The following CNTNAP2 variants were observed in gnomAD, a reference collection of about 807,000 sequenced individuals.
CNTNAP2 encodes the protein contactin associated protein 2.
A neutral mutation model predicts 155.2 loss-of-function variants in CNTNAP2; 98 were observed. The observed-to-expected ratio is 0.63, with a 90% CI of 0.54 to 0.75. The LOEUF is 0.75. CNTNAP2 is among the 30% of genes least tolerant of loss of function. CNTNAP2 has a pLI of 0.00. For synonymous variants in CNTNAP2, 651 were observed against 631.2 expected (o/e 1.03, Z -0.47); for missense variants, 1,727 against 1,688.1 (o/e 1.02, Z -0.40).
chr7:147,837,866 G>A (rs1276181937), intron 13 of CNTNAP2, among the ~76,000 whole-genome samples: 1 of 152,176 alleles, frequency 6.6e-6, no homozygotes, highest in African/African-American at 2.4e-5. Flanking sequence ...TGTCCCTGTG[G>A]CTTTGCAGGC....
intron 9 of CNTNAP2, among the ~76,000 whole-genome samples, chr7:147,317,923 C>T (rs1339174170): frequency 1.3e-5 from 2 of 151,546 alleles, no homozygotes; most frequent in Admixed American, 1.3e-4. Context: ...TCTCTTTCTT[C>T]TTACCTAGTT....
intron 1 of CNTNAP2, among the ~76,000 whole-genome samples, chr7:146,190,831 T>C (rs947985547): frequency 3.9e-5 from 6 of 152,162 alleles, no homozygotes; most frequent in Admixed American, 3.9e-4. Context: ...CCCTTCTCTC[T>C]CTTTCTAAAC....
intron 12 of CNTNAP2, among the ~76,000 whole-genome samples, chr7:147,604,168 G>T (rs951497128): frequency 6.6e-6 from 1 of 151,908 alleles, no homozygotes; most frequent in East Asian, 1.9e-4. Flanking sequence ...CGTGGGCAAG[G>T]ACTTCATGTC....
chr7:147,613,800 G>A (rs568004323), intron 12 of CNTNAP2, among the ~76,000 whole-genome samples: 6 of 152,122 alleles, frequency 3.9e-5, no homozygotes, highest in African/African-American at 4.8e-5. Context: ...CCAAAATCTC[G>A]CTACTACACT....
intron 13 of CNTNAP2, among the ~76,000 whole-genome samples, chr7:147,722,672 C>A (rs1454376022): frequency 2.0e-5 from 3 of 152,092 alleles, no homozygotes; most frequent in Admixed American, 6.6e-5. Context: ...CTCCAGACCC[C>A]TAATGACACA....
chr7:146,715,044 A>G (rs1162421550), intron 1 of CNTNAP2, among the ~76,000 whole-genome samples: 1 of 152,128 alleles, frequency 6.6e-6, no homozygotes, highest in Admixed American at 6.6e-5. Flanking sequence ...CTAAAACTCT[A>G]TAGAGGCCGG....
intron 3 of CNTNAP2, among the ~76,000 whole-genome samples, chr7:146,968,773 A>C (rs1180301267): frequency 6.6e-6 from 1 of 151,374 alleles, no homozygotes; most frequent in African/African-American, 2.4e-5. Context: ...TCCTGGATTC[A>C]TTAATTTTTT....
At chr7:148,367,525 T>TG (rs1222819569) in intron 21 of CNTNAP2, among the ~76,000 whole-genome samples, 1 of 152,136 alleles carries the variant, frequency 6.6e-6, no homozygotes, top group Non-Finnish European at 1.5e-5. Flanking sequence ...CTAGGGCCTG[T>TG]GAAAGTCATC....
At chr7:146,664,711 T>TAGTAA (rs1445273651) in intron 1 of CNTNAP2, among the ~76,000 whole-genome samples, 1 of 152,178 alleles carries the variant, frequency 6.6e-6, no homozygotes, top group Non-Finnish European at 1.5e-5. Flanking sequence ...TGTTTAGAGG[T>TAGTAA]AGTAATATTT....
At chr7:148,211,710 C>T (rs1423904481) in intron 18 of CNTNAP2, among the ~76,000 whole-genome samples, 2 of 152,142 alleles carry the variant, frequency 1.3e-5, no homozygotes, top group East Asian at 1.9e-4. Context: ...AAGAATAAAC[C>T]TGAAGGCGTT....
chr7:146,328,028 G>A (rs1801124483), intron 1 of CNTNAP2, among the ~76,000 whole-genome samples: 2 of 152,280 alleles, frequency 1.3e-5, no homozygotes, highest in East Asian at 1.9e-4. Flanking sequence ...CTCAACCCTT[G>A]GGCCACAGAC....
rs374823535 is a variant in CNTNAP2 at position 147,248,640 on chromosome 7, C to T, written c.1349-51501C>T. 3.9e-5 allele frequency among the ~76,000 whole-genome samples: 6 copies of T among 152,298 alleles called. No homozygotes were observed. In the East Asian group the frequency reaches 1.2e-3, roughly 29 times the overall value. On this transcript the variant is annotated intron_variant, in intron 8 of 23. Coordinates refer to ENST00000361727, the MANE Select transcript of CNTNAP2 (RefSeq NM_014141.6). ...AGAAGTTGAGACTACTCTAGTTTGGCAAACAATATGAATAAAGTGACAAGG... is the reference window on the plus strand; with the variant it reads ...AGAAGTTGAGACTACTCTAGTTTGGTAAACAATATGAATAAAGTGACAAGG...
intron 1 of CNTNAP2, among the ~76,000 whole-genome samples, chr7:146,665,788 A>AAAAAAAAAAAAACAAAAAAAAAAAAAC (rs1328734569): frequency 1.4e-5 from 2 of 142,036 alleles, no homozygotes; most frequent in Non-Finnish European, 3.0e-5. Flanking sequence ...CTCATTAAAA[A>AAAAAAAAAAAAACAAAAAAAAAAAAAC]AAAAAAAAAA....
At position 147,942,570 on chromosome 7, in the gene CNTNAP2, C is replaced by T. The variant is rs533169654; in HGVS notation, c.2256-35292C>T. The stretch of plus-strand genomic sequence containing the variant: ...TTTGGTATCTCAGTATCTCGTGCAG[C>T]AGTGAATAGCACTGCTCAATATTTT... On this transcript the variant is annotated intron_variant, in intron 14 of 23. Transcript: ENST00000361727. 3.0e-4 allele frequency among the ~76,000 whole-genome samples: 46 copies of T among 152,292 alleles called. 1 individual carries two copies. Among genetic ancestry groups the T allele is most frequent in the African/African-American group, 1.1e-3 (45 of 41,550 alleles).
At chr7:146,227,164 G>A (rs147999351) in intron 1 of CNTNAP2, among the ~76,000 whole-genome samples, 2,116 of 152,088 alleles carry the variant, frequency 0.014, 53 homozygotes, top group African/African-American at 0.048. Flanking sequence ...GGTGGCTCAC[G>A]CCTGTATTCC....
At chr7:146,484,642 A>G (rs1563102371) in intron 1 of CNTNAP2, among the ~76,000 whole-genome samples, 1 of 152,268 alleles carries the variant, frequency 6.6e-6, no homozygotes, top group Non-Finnish European at 1.5e-5. Context: ...AAGAAAGAAA[A>G]GAAAGAAAGA....
intron 2 of CNTNAP2, among the ~76,000 whole-genome samples, chr7:146,793,158 A>G (rs1239117527): frequency 6.6e-6 from 1 of 152,222 alleles, no homozygotes; most frequent in Non-Finnish European, 1.5e-5. Flanking sequence ...ATCTTGATTC[A>G]GAAACTAAAT....
intron 3 of CNTNAP2, among the ~76,000 whole-genome samples, chr7:146,855,136 C>G (rs1486801887): frequency 2.0e-5 from 3 of 152,074 alleles, no homozygotes; most frequent in Admixed American, 2.0e-4. Flanking sequence ...TATGGGGATA[C>G]TATATCTCAC....
chr7:146,654,277 C>T (rs904137956), intron 1 of CNTNAP2, among the ~76,000 whole-genome samples: 8 of 151,856 alleles, frequency 5.3e-5, no homozygotes, highest in Admixed American at 3.3e-4. Context: ...CCAGTCTCAG[C>T]AGGACAGCGG....
Sources: gnomAD v4.1 joint callset for allele counts (sites outside exome capture counted in the v4.1 genomes callset) on GRCh38, gnomAD v4.1.1 for gene constraint, MANE v1.5 for transcripts, NCBI Gene and HGNC (gene_info 2026-07-23, HGNC 2026-07-21) for gene names.